Variants in MEGF6 observed in about 807,000 individuals in gnomAD.
MEGF6 encodes multiple epidermal growth factor-like domains protein 6.
MEGF6 carries 184 observed loss-of-function variants against 207.1 expected under a neutral mutation model. That is an observed-to-expected ratio of 0.89 (90% CI 0.79 to 1.00). The LOEUF (loss-of-function observed/expected upper bound fraction) is 1.00, where lower values mean the gene tolerates loss of function less well. Ranked by LOEUF, MEGF6 falls within the 50% of genes least tolerant of loss-of-function variation. MEGF6 has a pLI of 0.00. For synonymous variants in MEGF6, 1,038 were observed against 910.0 expected (o/e 1.14, Z -2.53); for missense variants, 2,282 against 2,202.9 (o/e 1.04, Z -0.72).
intron 4 of MEGF6, 41 bp downstream of exon 4, chr1:3,579,784 G>A (rs1219754623): frequency 1.1e-5 from 15 of 1,381,740 alleles, no homozygotes; most frequent in East Asian, 2.8e-5. Context: ...CCCACAGGCT[G>A]GCCATGGCCA....
At chr1:3,610,960 G>A (rs1203303730) in intron 1 of MEGF6, among the ~76,000 whole-genome samples, 178 bp downstream of exon 1, 1 of 152,254 alleles carries the variant, frequency 6.6e-6, no homozygotes, top group Non-Finnish European at 1.5e-5. Context: ...TGCCACAGAA[G>A]GGCCCCAGAC....
intron 4 of MEGF6, among the ~76,000 whole-genome samples, chr1:3,531,639 A>C (rs946292506): frequency 6.6e-6 from 1 of 152,146 alleles, no homozygotes. Flanking sequence ...AGACATCCAC[A>C]TGTGACCCAC....
the MEGF6 span, among the ~76,000 whole-genome samples, chr1:3,617,781 G>C: frequency 1.3e-5 from 2 of 152,278 alleles, no homozygotes; most frequent in African/African-American, 4.8e-5. Flanking sequence ...AGAGAAAGCA[G>C]AGGGAGATTT....
intron 1 of MEGF6, among the ~76,000 whole-genome samples, chr1:3,606,552 A>G (rs1311604510): frequency 6.6e-6 from 1 of 152,226 alleles, no homozygotes; most frequent in African/African-American, 2.4e-5. Context: ...CATGAGGGTT[A>G]GATGAGCCTG....
At position 3,511,724 on chromosome 1, in the gene MEGF6, G is replaced by A. The variant is rs373647406; in HGVS notation, c.977-37C>T. On this transcript the variant is annotated intron_variant, in intron 8 of 36. Transcript: ENST00000356575. Reference sequence around the variant, plus strand: ...CCAGCCACCCAGGGTATGGGATGGCGGCTAGGATGACCCCCACCTACCTTA... The same window carrying A: ...CCAGCCACCCAGGGTATGGGATGGCAGCTAGGATGACCCCCACCTACCTTA... The A allele has an allele frequency of 7.6e-5, 120 of 1,582,866 alleles. 1 individual carries two copies. Among genetic ancestry groups the A allele is most frequent in the Admixed American group, 5.6e-4 (33 of 59,036 alleles).
chr1:3,539,649 G>T (rs1221550060), intron 4 of MEGF6, among the ~76,000 whole-genome samples: 3 of 152,192 alleles, frequency 2.0e-5, no homozygotes, highest in Non-Finnish European at 4.4e-5. Context: ...CCAAGCTGGG[G>T]CCACTGGGGC....
Position 3,542,117 on chromosome 1 carries a change from G to A in MEGF6, c.482-17871C>T, listed in dbSNP as rs2794331. On this transcript the variant is annotated intron_variant, in intron 4 of 36. Transcript: ENST00000356575. ...CCGGCTGCCCCGTTTCCCGTGATCC[G>A]TCCTTATCTCCTGGAAGGAGGGGTC... Among the ~76,000 whole-genome samples the A allele has an allele frequency of 4.6e-4, 70 of 152,170 alleles. 1 individual carries two copies. The highest frequency in any genetic ancestry group is 2.3e-3 in the East Asian group (12 of 5,144).
At position 3,490,479 on chromosome 1, in the gene MEGF6, G is replaced by T. The variant is rs2794321; in HGVS notation, c.*49C>A. On this transcript the variant is annotated 3_prime_UTR_variant, in exon 37 of 37. Coordinates refer to ENST00000356575, the MANE Select transcript of MEGF6 (RefSeq NM_001409.4). The stretch of plus-strand genomic sequence containing the variant: ...TTCTCAGTGGTCACCAAAGGCCAGG[G>T]TCCCCTCTGGCTGGGACTGGAGAGG... 115,913 of 1,600,046 alleles carry T rather than the reference G, an allele frequency of 0.072. 5,182 individuals carry two copies. The highest frequency in any genetic ancestry group is 0.19 in the Admixed American group (11,212 of 58,554).
Position 3,500,530 on chromosome 1 carries a change from G to A in MEGF6, c.2707+103C>T. The A allele has an allele frequency of 7.0e-6, 10 of 1,428,634 alleles. No individual in the cohort carries two copies. The South Asian group carries it at 7.2e-5, about 10-fold the overall frequency. 88.5% of individuals were successfully genotyped at this position (1,428,634 alleles called of 1,614,324 possible). On this transcript the variant is annotated intron_variant, in intron 21 of 36. Transcript: ENST00000356575. ...GGCCAAAGGCTTCGTGTGTGTGCGT[G>A]CAGGAGGGAGTACGGTCAAAGGCTT...
Position 3,570,651 on chromosome 1 carries a change from T to A in MEGF6, c.481+9174A>T, listed in dbSNP as rs564829590. ...CAGACAACCACTGCACCACCAACCTTGCCTCCAAGAAAGACCACATGGGCC... is the reference window on the plus strand; with the variant it reads ...CAGACAACCACTGCACCACCAACCTAGCCTCCAAGAAAGACCACATGGGCC... On this transcript the variant is annotated intron_variant, in intron 4 of 36. Coordinates refer to ENST00000356575, the MANE Select transcript of MEGF6 (RefSeq NM_001409.4). 3.3e-5 allele frequency among the ~76,000 whole-genome samples: 5 copies of A among 152,166 alleles called. No individual in the cohort carries two copies. In the South Asian group the frequency reaches 1.0e-3, roughly 32 times the overall value.
At chr1:3,548,552 T>C (rs1306079718) in intron 4 of MEGF6, among the ~76,000 whole-genome samples, 1 of 152,242 alleles carries the variant, frequency 6.6e-6, no homozygotes, top group Non-Finnish European at 1.5e-5. Context: ...CCTGTCTGCC[T>C]GGCCCCGACA....
intron 5 of MEGF6, among the ~76,000 whole-genome samples, chr1:3,516,935 C>T (rs915771191): frequency 7.9e-5 from 12 of 152,306 alleles, no homozygotes; most frequent in East Asian, 1.9e-4. Flanking sequence ...CAGGTAAGCC[C>T]GTCTGCCTCT....
intron 3 of MEGF6, among the ~76,000 whole-genome samples, chr1:3,586,247 T>C (rs1321285141): frequency 6.6e-6 from 1 of 152,234 alleles, no homozygotes; most frequent in Non-Finnish European, 1.5e-5. Context: ...CGAGGAGACA[T>C]GTCCTGTGCA....
chr1:3,547,983 C>A (rs1201469375), intron 4 of MEGF6, among the ~76,000 whole-genome samples: 1 of 152,176 alleles, frequency 6.6e-6, no homozygotes, highest in East Asian at 1.9e-4. Flanking sequence ...CGCCTCTGCC[C>A]ACCCACCCCT....
At chr1:3,542,343 G>A (rs956735305) in intron 4 of MEGF6, among the ~76,000 whole-genome samples, 3 of 152,250 alleles carry the variant, frequency 2.0e-5, no homozygotes, top group Non-Finnish European at 4.4e-5. Context: ...TTAATGCGAG[G>A]GTTGGACCCA....
chr1:3,553,244 C>T (rs1417002052), intron 4 of MEGF6, among the ~76,000 whole-genome samples: 1 of 151,692 alleles, frequency 6.6e-6, no homozygotes, highest in East Asian at 1.9e-4. Flanking sequence ...TCGGCTTTCC[C>T]ACCAGGGGCC....
intron 4 of MEGF6, among the ~76,000 whole-genome samples, chr1:3,555,765 C>T (rs946372730): frequency 7.9e-5 from 12 of 152,220 alleles, no homozygotes; most frequent in Non-Finnish European, 1.3e-4. Context: ...GGGTCTCAGG[C>T]CAAGACCTGG....
chr1:3,561,884 A>G (rs1198737021), intron 4 of MEGF6, among the ~76,000 whole-genome samples: 1 of 152,208 alleles, frequency 6.6e-6, no homozygotes, highest in African/African-American at 2.4e-5. Flanking sequence ...TTTCGTTCCC[A>G]TTTGTTTCCC....
At chr1:3,494,255 A>G (rs1640503118) in intron 32 of MEGF6, 116 bp downstream of exon 32, 1 of 1,464,620 alleles carries the variant, frequency 6.8e-7, no homozygotes, top group South Asian at 1.4e-5. Context: ...GTCCCTCCCC[A>G]CTGCTGCTGG....
Sources: allele counts gnomAD v4.1 joint callset (sites outside exome capture counted in the v4.1 genomes callset), GRCh38; gene constraint gnomAD v4.1.1; transcripts MANE v1.5; gene names NCBI Gene and HGNC (gene_info 2026-07-23, HGNC 2026-07-21).